The following GRIA4 variants were observed in gnomAD, a reference collection of about 807,000 sequenced individuals.
GRIA4 encodes the protein glutamate ionotropic receptor AMPA type subunit 4, also known as glutamate receptor 4.
A neutral mutation model predicts 104.0 loss-of-function variants in GRIA4; 34 were observed. The ratio of observed to expected loss-of-function variants is 0.33; its 90% CI spans 0.25 to 0.44. GRIA4 has a LOEUF of 0.44. Among genes scored for constraint, GRIA4 ranks in the 20% least tolerant of loss-of-function variants. The pLI, the probability that GRIA4 is intolerant of heterozygous loss-of-function variation, is 1.00. For synonymous variants in GRIA4, 386 were observed against 381.9 expected (o/e 1.01, Z -0.13); for missense variants, 750 against 1,096.5 (o/e 0.68, Z 4.46).
chr11:105,874,750 T>C (rs573202986), intron 5 of GRIA4, among the ~76,000 whole-genome samples: 58 of 152,340 alleles, frequency 3.8e-4, no homozygotes, highest in Admixed American at 2.2e-3. Flanking sequence ...CTTGTGATTT[T>C]TGCACTTGAT....
chr11:105,929,124 A>C (rs910597539), intron 13 of GRIA4, among the ~76,000 whole-genome samples: 2 of 152,066 alleles, frequency 1.3e-5, no homozygotes, highest in Non-Finnish European at 2.9e-5. Flanking sequence ...TAAAAATCTC[A>C]TTCATTTCCT....
intron 4 of GRIA4, among the ~76,000 whole-genome samples, chr11:105,818,211 T>C (rs527421963): frequency 6.6e-6 from 1 of 151,976 alleles, no homozygotes; most frequent in East Asian, 1.9e-4. Flanking sequence ...AAGTGTTGGT[T>C]AGAAAAAGGT....
At chr11:105,729,594 A>G (rs918218022) in intron 3 of GRIA4, among the ~76,000 whole-genome samples, 1 of 152,238 alleles carries the variant, frequency 6.6e-6, no homozygotes, top group Admixed American at 6.5e-5. Flanking sequence ...ATGAACATCA[A>G]TGCAAAAATC....
intron 3 of GRIA4, among the ~76,000 whole-genome samples, chr11:105,719,102 C>T (rs898997779): frequency 1.3e-5 from 2 of 152,058 alleles, no homozygotes; most frequent in African/African-American, 4.8e-5. Context: ...GTGTTGATTT[C>T]TAGAATGGAC....
intron 5 of GRIA4, among the ~76,000 whole-genome samples, chr11:105,879,223 A>G (rs1378409980): frequency 6.6e-6 from 1 of 151,962 alleles, no homozygotes; most frequent in Non-Finnish European, 1.5e-5. Context: ...GGCTGCACCC[A>G]CTGTCTAACC....
At chr11:105,890,996 T>C (rs1197398772) in intron 6 of GRIA4, among the ~76,000 whole-genome samples, 2 of 152,240 alleles carry the variant, frequency 1.3e-5, no homozygotes, top group Non-Finnish European at 2.9e-5. Flanking sequence ...GGTTAAGCTC[T>C]GTTCCAAAAA....
chr11:105,788,452 A>G (rs1273862013), intron 4 of GRIA4, among the ~76,000 whole-genome samples: 1 of 152,198 alleles, frequency 6.6e-6, no homozygotes, highest in African/African-American at 2.4e-5. Context: ...TATGTTTATC[A>G]TAGCACTATT....
At chr11:105,829,872 A>C (rs1300932182) in intron 4 of GRIA4, among the ~76,000 whole-genome samples, 1 of 151,926 alleles carries the variant, frequency 6.6e-6, no homozygotes, top group African/African-American at 2.4e-5. Flanking sequence ...CATGTGAATG[A>C]ATGTGAATTG....
At chr11:105,946,758 A>T (rs968982005) in intron 14 of GRIA4, among the ~76,000 whole-genome samples, 1 of 152,180 alleles carries the variant, frequency 6.6e-6, no homozygotes, top group African/African-American at 2.4e-5. Flanking sequence ...GTGTGACTCA[A>T]GTAGATTTTA....
intron 4 of GRIA4, among the ~76,000 whole-genome samples, chr11:105,793,254 C>T (rs1437527207): frequency 6.6e-6 from 1 of 152,082 alleles, no homozygotes; most frequent in African/African-American, 2.4e-5. Flanking sequence ...TGAGTGCATC[C>T]ACAAGTCTGC....
intron 3 of GRIA4, among the ~76,000 whole-genome samples, chr11:105,696,028 T>C (rs1486989897): frequency 6.6e-6 from 1 of 152,238 alleles, no homozygotes; most frequent in African/African-American, 2.4e-5. Flanking sequence ...ATTTCAGTTC[T>C]TCTGAAGAAA....
At chr11:105,655,724 G>T (rs151149589) in intron 3 of GRIA4, among the ~76,000 whole-genome samples, 2,173 of 152,138 alleles carry the variant, frequency 0.014, 28 homozygotes, top group Middle Eastern at 0.037. Context: ...TCTTTATCCA[G>T]TCTATCAGTG....
intron 3 of GRIA4, among the ~76,000 whole-genome samples, chr11:105,675,543 G>A (rs1371602316): frequency 1.3e-5 from 2 of 151,644 alleles, no homozygotes; most frequent in Non-Finnish European, 3.0e-5. Flanking sequence ...TTTATCTCAG[G>A]TGTCATATTG....
intron 5 of GRIA4, among the ~76,000 whole-genome samples, chr11:105,877,514 C>T (rs919109650): frequency 1.3e-5 from 2 of 152,130 alleles, no homozygotes; most frequent in Admixed American, 6.6e-5. Context: ...TTCCAACTTG[C>T]TTCCTTTCTC....
rs183169445 is a variant in GRIA4, at chr11:105,843,800, T to C, written c.488-18224T>C. Among the ~76,000 whole-genome samples, 59 of 152,222 alleles carry C rather than the reference T, an allele frequency of 3.9e-4. 1 individual carries two copies. The East Asian group carries it at 0.011, about 27-fold the overall frequency. On this transcript the variant is annotated intron_variant, in intron 4 of 16. Transcript: ENST00000282499. The stretch of plus-strand genomic sequence containing the variant: ...TTTGGCCAGATAAGGATGAGAAAAA[T>C]GATACAAGAGATTCAAGAACTGCCT...
chr11:105,706,796 A>G (rs1953718501), intron 3 of GRIA4: 2 of 152,300 alleles, frequency 1.3e-5, no homozygotes, highest in Non-Finnish European at 1.5e-5. Flanking sequence ...TGGCAACATC[A>G]TTTCTGATGC....
At position 105,979,699 on chromosome 11, in the gene GRIA4, A is replaced by C. The variant is rs1565378260; in HGVS notation, c.2669A>C (p.Gln890Pro). ...KAVHTGTAIR[Q>P]SSGLAVIASD... ...GTACACACTGGAACTGCAATCAGAC[A>C]AAGTTCAGGATTGGCTGTCATTGCA... Residue 890 changes from glutamine to proline, a missense_variant, in exon 17 of 17, where the codon CAA becomes CCA. By Grantham distance (76) the Gln-to-Pro change is moderately conservative. Coordinates refer to ENST00000282499, the MANE Select transcript of GRIA4 (RefSeq NM_000829.4). 5.6e-6 allele frequency: 9 copies of C among 1,614,008 alleles called. No homozygotes were observed. The highest frequency in any genetic ancestry group is 5.9e-6 in the Non-Finnish European group (7 of 1,179,964).
At chr11:105,662,003 G>GTT (rs1171049291) in intron 3 of GRIA4, among the ~76,000 whole-genome samples, 13 of 76,916 alleles carry the variant, frequency 1.7e-4, no homozygotes, top group South Asian at 6.1e-4. Context: ...GTGTGTGTGT[G>GTT]TGTTTGTGTG....
intron 9 of GRIA4, 128 bp downstream of exon 9, chr11:105,905,429 A>G (rs1591427976): frequency 8.4e-6 from 5 of 597,212 alleles, no homozygotes; most frequent in Non-Finnish European, 6.0e-6. Context: ...ATACTTTAGT[A>G]CTTTCTTTAT....
Sources: allele counts gnomAD v4.1 joint callset (sites outside exome capture counted in the v4.1 genomes callset), GRCh38; gene constraint gnomAD v4.1.1; transcripts MANE v1.5; gene names NCBI Gene and HGNC (gene_info 2026-07-23, HGNC 2026-07-21).